DEFB115: variants seen among roughly 807,000 people sequenced by gnomAD.
DEFB115 encodes the protein beta-defensin 115.
Under a neutral mutation model 8.8 loss-of-function variants are expected in DEFB115, and 7 were observed. The observed-to-expected ratio is 0.79, with a 90% confidence interval of 0.45 to 1.49. The LOEUF is 1.49. Among genes scored for constraint, DEFB115 ranks in the 40% most tolerant of loss-of-function variants. DEFB115 has a pLI of 0.01. For missense variants in DEFB115, 143 were observed against 99.4 expected (o/e 1.44, Z -1.86); for synonymous variants, 62 against 37.6 (o/e 1.65, Z -2.37).
chr20:31,258,382 A>G (rs1983810132), intron 1 of DEFB115, among the ~76,000 whole-genome samples: 1 of 152,164 alleles, frequency 6.6e-6, no homozygotes, highest in Non-Finnish European at 1.5e-5. Context: ...GGTGGTGAAT[A>G]ACTTTCTAAT....
rs769728457 is a variant in DEFB115 at position 31,259,461 on chromosome 20, T to G, written c.96T>G (p.Asp32Glu). 8.8e-6 allele frequency: 14 copies of G among 1,590,736 alleles called. No individual in the cohort carries two copies. Among genetic ancestry groups the G allele is most frequent in the Non-Finnish European group, 1.2e-5 (14 of 1,172,830 alleles). Residue 32 changes from aspartate to glutamate, a missense_variant and splice_region_variant, in exon 2 of 2, where the codon GAT becomes GAG. By Grantham distance (45) the Asp-to-Glu change is conservative. Coordinates refer to ENST00000400552, the MANE Select transcript of DEFB115 (RefSeq NM_001037730.1). ...TCATGTGTTTGCTTATTTTGATAGA[T>G]GGATGGATCAGAAGGTGCTATTATG... ...VLVVLAQTAP[D>E]GWIRRCYYGT...
In DEFB115 at chr20:31,259,539, A is replaced by G. The variant is rs1983846309; in HGVS notation, c.174A>G (p.Lys58=). 6.2e-7 allele frequency: 1 copy of G among 1,613,208 alleles called. No homozygotes were observed. Among genetic ancestry groups the G allele is most frequent in the Admixed American group, 1.7e-5 (1 of 59,854 alleles). The change falls in exon 2 of 2, where the codon AAA becomes AAG. Residue 58 remains lysine, a synonymous_variant. Transcript: ENST00000400552. The part of the protein sequence containing the change: ...SCKEIERKKE[K]CGEKHICCVP... ...AAGAAATTGAGAGGAAGAAAGAAAA[A>G]TGTGGGGAAAAACATATTTGCTGTG...
At chr20:31,259,019 C>A (rs1983830594) in intron 1 of DEFB115, among the ~76,000 whole-genome samples, 1 of 152,086 alleles carries the variant, frequency 6.6e-6, no homozygotes, top group Non-Finnish European at 1.5e-5. Context: ...ATCCATTGTT[C>A]AGGGTCTTGC....
At chr20:31,259,388 CA>C in intron 1 of DEFB115, 71 bp from the exon 2 acceptor site, 1 of 1,409,908 alleles carries the variant, frequency 7.1e-7, no homozygotes. Context: ...TTACTATTAC[CA>C]ACATCCTTTC....
intron 1 of DEFB115, 119 bp downstream of exon 1, chr20:31,257,876 G>C: frequency 1.2e-6 from 1 of 856,574 alleles, no homozygotes; most frequent in Non-Finnish European, 1.9e-6. Context: ...GCTGAGATCT[G>C]ATGAAAGGCT....
chr20:31,258,245 A>T (rs1317016525), intron 1 of DEFB115, among the ~76,000 whole-genome samples: 1 of 152,172 alleles, frequency 6.6e-6, no homozygotes, highest in Non-Finnish European at 1.5e-5. Flanking sequence ...TTGTAAGTTG[A>T]TGTTTGATAT....
intron 1 of DEFB115, among the ~76,000 whole-genome samples, chr20:31,258,954 A>C (rs1181793172): frequency 6.6e-6 from 1 of 151,490 alleles, no homozygotes; most frequent in Non-Finnish European, 1.5e-5. Flanking sequence ...CCACCCCCCA[A>C]CACACACACA....
intron 1 of DEFB115, among the ~76,000 whole-genome samples, chr20:31,258,453 A>G (rs1983811823): frequency 1.3e-5 from 2 of 152,070 alleles, no homozygotes; most frequent in African/African-American, 4.8e-5. Context: ...TAATTCTGTG[A>G]TTTCCTTTGG....
intron 1 of DEFB115, among the ~76,000 whole-genome samples, chr20:31,259,256 T>C (rs965748819): frequency 6.6e-6 from 1 of 152,164 alleles, no homozygotes; most frequent in Non-Finnish European, 1.5e-5. Context: ...AGCATAGGAA[T>C]AAAATTCAAT....
Position 31,259,506 on chromosome 20 carries a change from A to C in DEFB115, c.141A>C (p.Lys47Asn). ...ATTATGGAACTGGCAGATGCAGGAAATCATGCAAAGAAATTGAGAGGAAGA... is the reference window on the plus strand; with the variant it reads ...ATTATGGAACTGGCAGATGCAGGAACTCATGCAAAGAAATTGAGAGGAAGA... ...RCYYGTGRCRKSCKEIERKKE... is the reference protein window; with the variant it reads ...RCYYGTGRCRNSCKEIERKKE... The change falls in exon 2 of 2, where the codon AAA becomes AAC. Residue 47 changes from lysine (K) to asparagine (N), a missense_variant. By Grantham distance (94) the Lys-to-Asn change is moderately conservative. Transcript: ENST00000400552. 1 of 1,613,402 alleles carries C rather than the reference A, an allele frequency of 6.2e-7. No homozygotes were observed. The highest frequency in any genetic ancestry group is 8.5e-7 in the Non-Finnish European group (1 of 1,179,648).
chr20:31,259,340 C>A, intron 1 of DEFB115, 120 bp from the exon 2 acceptor site: 1 of 1,049,142 alleles, frequency 9.5e-7, no homozygotes, highest in Non-Finnish European at 1.3e-6. Context: ...CCATGAATGC[C>A]TTTAAGTGTC....
At chr20:31,258,757 T>C (rs1306081427) in intron 1 of DEFB115, among the ~76,000 whole-genome samples, 5 of 152,040 alleles carry the variant, frequency 3.3e-5, no homozygotes. Context: ...GACAGAGAAT[T>C]AGGAATTATC....
At chr20:31,259,132 TA>T (rs1983833944) in intron 1 of DEFB115, among the ~76,000 whole-genome samples, 1 of 152,002 alleles carries the variant, frequency 6.6e-6, no homozygotes, top group Non-Finnish European at 1.5e-5. Flanking sequence ...GGAGAGAGGA[TA>T]AAAAAGATAA....
intron 1 of DEFB115, among the ~76,000 whole-genome samples, chr20:31,258,222 T>C (rs1983804687): frequency 6.6e-6 from 1 of 152,170 alleles, no homozygotes; most frequent in African/African-American, 2.4e-5. Context: ...TCTTGGAATA[T>C]ATGGTGAAAA....
chr20:31,258,423 G>A (rs1427425625), intron 1 of DEFB115, among the ~76,000 whole-genome samples: 2 of 152,128 alleles, frequency 1.3e-5, no homozygotes, highest in Non-Finnish European at 2.9e-5. Flanking sequence ...CTTCCCAGGG[G>A]CTCTAAAGTT....
chr20:31,259,387 C>T (rs772730037), intron 1 of DEFB115, 73 bp from the exon 2 acceptor site: 46 of 1,410,758 alleles, frequency 3.3e-5, no homozygotes, highest in Non-Finnish European at 4.1e-5. Context: ...ATTACTATTA[C>T]CAACATCCTT....
intron 1 of DEFB115, among the ~76,000 whole-genome samples, chr20:31,258,141 A>G (rs1314775575): frequency 2.0e-5 from 3 of 152,312 alleles, no homozygotes; most frequent in African/African-American, 7.2e-5. Flanking sequence ...CAGTCTCATT[A>G]CTTCACTTCT....
intron 1 of DEFB115, among the ~76,000 whole-genome samples, chr20:31,258,512 T>G (rs1983813847): frequency 6.6e-6 from 1 of 152,210 alleles, no homozygotes; most frequent in South Asian, 2.1e-4. Context: ...CTATTCAAGC[T>G]GAAAGCCTTT....
intron 1 of DEFB115, among the ~76,000 whole-genome samples, chr20:31,259,202 G>T (rs955131586): frequency 4.6e-5 from 7 of 152,114 alleles, no homozygotes; most frequent in African/African-American, 1.7e-4. Flanking sequence ...AGTAGAACCA[G>T]ATTTAGTGAG....
Sources: gnomAD v4.1 joint callset for allele counts (sites outside exome capture counted in the v4.1 genomes callset) on GRCh38, gnomAD v4.1.1 for gene constraint, MANE v1.5 for transcripts, NCBI Gene and HGNC (gene_info 2026-07-23, HGNC 2026-07-21) for gene names.